Variants in RNF138 observed in about 807,000 individuals in gnomAD.
RNF138 encodes the protein ring finger protein 138.
A neutral mutation model predicts 31.0 loss-of-function variants in RNF138; 12 were observed. That is an observed-to-expected ratio of 0.39 (90% confidence interval 0.25 to 0.63). RNF138 has a LOEUF of 0.63. Among genes scored for constraint, RNF138 ranks in the 20% least tolerant of loss-of-function variants. The probability of loss-of-function intolerance (pLI) is 0.52; values close to 1 mark genes in which losing one functional copy is unlikely to be tolerated. For synonymous variants in RNF138, 105 were observed against 99.5 expected, an observed-to-expected ratio of 1.06 and a Z score of -0.33; for missense variants, 192 against 300.1, an observed-to-expected ratio of 0.64 and a Z score of 2.66.
At chr18:32,123,809 C>T (rs1358456962) in intron 5 of RNF138, 6 of 263,188 alleles carry the variant, frequency 2.3e-5, no homozygotes, top group East Asian at 7.5e-5. Flanking sequence ...CCTGCCACCA[C>T]GCCCGGCTAA....
intron 3 of RNF138, 48 bp downstream of exon 3, chr18:32,111,967 C>A: frequency 2.2e-6 from 3 of 1,381,132 alleles, no homozygotes; most frequent in Non-Finnish European, 2.9e-6. Flanking sequence ...AGTTTCTACT[C>A]TGAAATTCTT....
chr18:32,113,143 G>C (rs143757567), intron 3 of RNF138, among the ~76,000 whole-genome samples: 1 of 152,190 alleles, frequency 6.6e-6, no homozygotes, highest in African/African-American at 2.4e-5. Flanking sequence ...CACAATCTCG[G>C]CTCACTGCAG....
chr18:32,092,596 A>T (rs8095867), intron 1 of RNF138, 104 bp from the exon 2 acceptor site: 3 of 581,802 alleles, frequency 5.2e-6, no homozygotes, highest in Non-Finnish European at 6.2e-6. Flanking sequence ...CGCGTGCGGC[A>T]GTAGCGTCTC....
intron 2 of RNF138, among the ~76,000 whole-genome samples, chr18:32,097,272 A>G (rs72936945): frequency 0.042 from 6,400 of 152,320 alleles, 189 homozygotes; most frequent in Non-Finnish European, 0.061. Context: ...AAAATTACAT[A>G]TAACAAGTTT....
chr18:32,094,073 G>T (rs2039760721), intron 2 of RNF138, among the ~76,000 whole-genome samples: 1 of 152,154 alleles, frequency 6.6e-6, no homozygotes, highest in Admixed American at 6.5e-5. Context: ...TTAAAGGCGT[G>T]AGCCACCGCG....
rs550322782 is a variant in RNF138 at position 32,127,957 on chromosome 18, A to G, written c.669+1157A>G. Reference sequence around the variant, plus strand: ...TAGCCGGGTGTGTTGGCAGGTGCCTATAGTCCCAGCTACTCGGGAGGCTGA... The same window carrying G: ...TAGCCGGGTGTGTTGGCAGGTGCCTGTAGTCCCAGCTACTCGGGAGGCTGA... On this transcript the variant is annotated intron_variant, in intron 7 of 7. Coordinates refer to ENST00000261593, the MANE Select transcript of RNF138 (RefSeq NM_016271.5). Among the ~76,000 whole-genome samples the G allele has an allele frequency of 3.3e-5, 5 of 152,214 alleles. No individual in the cohort carries two copies. The South Asian group carries it at 8.3e-4, about 25-fold the overall frequency.
chr18:32,121,152 A>G (rs963215016), intron 4 of RNF138, among the ~76,000 whole-genome samples: 5 of 151,630 alleles, frequency 3.3e-5, no homozygotes, highest in African/African-American at 1.2e-4. Context: ...ACAAAACAAA[A>G]AAAAAGCAGA....
intron 5 of RNF138, 37 bp downstream of exon 5, chr18:32,123,611 ATAT>A: frequency 1.5e-6 from 2 of 1,339,408 alleles, no homozygotes; most frequent in East Asian, 2.4e-5. Context: ...TTAGCAAGTA[ATAT>A]TATATTTATC....
intron 5 of RNF138, 128 bp downstream of exon 5, chr18:32,123,702 G>GC (rs1017679445): frequency 4.5e-5 from 25 of 560,724 alleles, no homozygotes; most frequent in Non-Finnish European, 6.4e-5. Flanking sequence ...TCCCAGGCTG[G>GC]AGTGCAGTGG....
Position 32,124,762 on chromosome 18 carries a change from C to G in RNF138, c.478C>G (p.Pro160Ala). Reference protein sequence around the residue: ...SSSGHPTFKCPLCQESNFTRQ... With the variant: ...SSSGHPTFKCALCQESNFTRQ... ...TTCTGGTCATCCTACTTTTAAGTGT[C>G]CCCTGTGTCAAGAATCAAATTTTAC... is the stretch of plus-strand genomic sequence containing the variant. The change falls in exon 6 of 8, where the codon CCC becomes GCC. Residue 160 changes from proline (P) to alanine (A), a missense_variant. By Grantham distance (27) the Pro-to-Ala change is conservative (BLOSUM62 -1). Around this residue, in one of 2 missense-constraint regions of RNF138, gnomAD observed 140 missense variants for 251.7 expected, o/e 0.56. Coordinates refer to ENST00000261593, the MANE Select transcript of RNF138 (RefSeq NM_016271.5). 6.3e-7 allele frequency: 1 copy of G among 1,593,124 alleles called. No homozygotes were observed. The highest frequency in any genetic ancestry group is 8.6e-7 in the Non-Finnish European group (1 of 1,161,190).
chr18:32,124,834 A>T lies in RNF138; in HGVS notation c.550A>T (p.Ile184Leu). 4 of 1,531,982 alleles carry T rather than the reference A, an allele frequency of 2.6e-6. No individual in the cohort carries two copies. In the South Asian group the frequency reaches 4.5e-5, roughly 17 times the overall value. 94.9% of individuals were successfully genotyped at this position (1,531,982 alleles called of 1,614,324 possible). A position where few individuals can be genotyped will look rare whatever the true frequency, so the allele number is the denominator to read the frequency against. ...DHCNSNHLFQ[I>L]VPVTCPICVS... is the part of the protein sequence containing the mutation. ...CTGTAACAGTAATCACCTATTTCAG[A>T]TAGTTCCTGTGGTAAGTACATACGT... Residue 184 changes from isoleucine (I) to leucine (L), a missense_variant, in exon 6 of 8, where the codon ATA becomes TTA. Coordinates refer to ENST00000261593, the MANE Select transcript of RNF138 (RefSeq NM_016271.5).
At chr18:32,101,997 C>T (rs1203933143) in intron 2 of RNF138, among the ~76,000 whole-genome samples, 2 of 151,888 alleles carry the variant, frequency 1.3e-5, no homozygotes, top group Non-Finnish European at 1.5e-5. Context: ...CCACCTCAGC[C>T]TCCCAAGTAG....
At chr18:32,120,304 A>G (rs776712622) in intron 4 of RNF138, among the ~76,000 whole-genome samples, 2 of 152,190 alleles carry the variant, frequency 1.3e-5, no homozygotes, top group Non-Finnish European at 2.9e-5. Context: ...AAAAACATAT[A>G]TACATCTGGC....
At chr18:32,109,694 C>T (rs1421664494) in intron 2 of RNF138, among the ~76,000 whole-genome samples, 1 of 152,138 alleles carries the variant, frequency 6.6e-6, no homozygotes. Flanking sequence ...TCAAGACTAG[C>T]CTGAGCAACT....
At chr18:32,111,999 G>GTTTTT in intron 3 of RNF138, 80 bp downstream of exon 3, 1 of 877,614 alleles carries the variant, frequency 1.1e-6, no homozygotes, top group Non-Finnish European at 1.6e-6. Context: ...CTTGGTTGGT[G>GTTTTT]TTTTTTTTTT....
intron 2 of RNF138, among the ~76,000 whole-genome samples, chr18:32,094,002 A>AG (rs2039758743): frequency 6.6e-6 from 1 of 152,082 alleles, no homozygotes; most frequent in Admixed American, 6.6e-5. Context: ...CGTGTTAGCA[A>AG]GGATGGTCTC....
At chr18:32,121,478 A>G (rs2040305091) in intron 4 of RNF138, among the ~76,000 whole-genome samples, 1 of 152,222 alleles carries the variant, frequency 6.6e-6, no homozygotes. Context: ...CGGGGCAATA[A>G]GAGCGAAACT....
intron 7 of RNF138, among the ~76,000 whole-genome samples, 166 bp downstream of exon 7, chr18:32,126,966 A>G (rs1198775671): frequency 1.3e-5 from 2 of 152,190 alleles, no homozygotes; most frequent in African/African-American, 4.8e-5. Flanking sequence ...GCTTGTAGAA[A>G]TGGTAAGGTA....
chr18:32,099,705 C>T (rs143163697), intron 2 of RNF138, among the ~76,000 whole-genome samples: 3 of 152,328 alleles, frequency 2.0e-5, no homozygotes, highest in African/African-American at 7.2e-5. Context: ...TGCACCCGGC[C>T]ATTCTTTGTA....
Sources: gnomAD v4.1 joint callset for allele counts (sites outside exome capture counted in the v4.1 genomes callset) on GRCh38, gnomAD v4.1.1 for gene constraint, gnomAD v4.1.1 regional missense constraint, MANE v1.5 for transcripts, NCBI Gene and HGNC (gene_info 2026-07-23, HGNC 2026-07-21) for gene names.